Variants in RETREG1 observed in about 807,000 individuals in gnomAD.
RETREG1 encodes the protein reticulophagy regulator 1, also known as family with sequence similarity 134 member B.
In RETREG1, 44 loss-of-function variants were observed where a neutral mutation model predicts 54.8. The observed-to-expected ratio is 0.80, with a 90% CI of 0.63 to 1.03. RETREG1 has a LOEUF of 1.03. Among genes scored for constraint, RETREG1 ranks in the 50% least tolerant of loss-of-function variants. The pLI, the probability that RETREG1 is intolerant of heterozygous loss-of-function variation, is 0.00. For missense variants in RETREG1, 554 were observed against 605.1 expected (o/e 0.92, Z 0.89); for synonymous variants, 217 against 238.5 (o/e 0.91, Z 0.83).
At chr5:16,550,280 A>T (rs1741497497) in intron 3 of RETREG1, among the ~76,000 whole-genome samples, 1 of 152,008 alleles carries the variant, frequency 6.6e-6, no homozygotes, top group South Asian at 2.1e-4. Flanking sequence ...AAATTTAAAA[A>T]AAAAAAAGCG....
chr5:16,545,867 G>A (rs539390649), intron 3 of RETREG1, among the ~76,000 whole-genome samples: 158 of 152,344 alleles, frequency 1.0e-3, no homozygotes, highest in Non-Finnish European at 1.8e-3. Context: ...CAGAGCCACC[G>A]TTCCATGTGT....
At chr5:16,487,259 T>C (rs1739054578) in intron 3 of RETREG1, among the ~76,000 whole-genome samples, 1 of 152,224 alleles carries the variant, frequency 6.6e-6, no homozygotes, top group South Asian at 2.1e-4. Flanking sequence ...TATTTCCTCC[T>C]TAGTTTCAGA....
chr5:16,520,029 G>C (rs1740479995), intron 3 of RETREG1, among the ~76,000 whole-genome samples: 1 of 152,198 alleles, frequency 6.6e-6, no homozygotes, highest in South Asian at 2.1e-4. Context: ...CCTCCCAAAA[G>C]GGTATGTTGA....
intron 3 of RETREG1, among the ~76,000 whole-genome samples, chr5:16,516,130 G>A (rs992951904): frequency 6.7e-6 from 1 of 149,650 alleles, no homozygotes; most frequent in Non-Finnish European, 1.5e-5. Flanking sequence ...CACCCCAAAT[G>A]TCTGGTAAAT....
chr5:16,550,809 A>G (rs1287419608), intron 3 of RETREG1, among the ~76,000 whole-genome samples: 2 of 152,260 alleles, frequency 1.3e-5, no homozygotes, highest in Non-Finnish European at 2.9e-5. Context: ...TGTAGTGCTG[A>G]TAAGAGCTGT....
intron 1 of RETREG1, among the ~76,000 whole-genome samples, chr5:16,598,207 C>T (rs927850597): frequency 6.6e-6 from 1 of 152,230 alleles, no homozygotes; most frequent in African/African-American, 2.4e-5. Flanking sequence ...CCAACGCCTA[C>T]TGACTCTCTA....
At chr5:16,598,902 G>A (rs1742973220) in intron 1 of RETREG1, among the ~76,000 whole-genome samples, 2 of 152,196 alleles carry the variant, frequency 1.3e-5, no homozygotes, top group Non-Finnish European at 2.9e-5. Flanking sequence ...TACAGGCTGG[G>A]TACAGTGGCT....
intron 1 of RETREG1, among the ~76,000 whole-genome samples, chr5:16,611,758 G>A (rs2126377676): frequency 6.6e-6 from 1 of 152,286 alleles, no homozygotes; most frequent in Non-Finnish European, 1.5e-5. Flanking sequence ...GATACACACA[G>A]CAGAGATGAA....
intron 3 of RETREG1, among the ~76,000 whole-genome samples, chr5:16,554,265 C>T (rs901972644): frequency 6.6e-6 from 1 of 152,236 alleles, no homozygotes; most frequent in Admixed American, 6.5e-5. Flanking sequence ...AGGCTGGAAC[C>T]TCTCCGTTGA....
intron 3 of RETREG1, among the ~76,000 whole-genome samples, chr5:16,516,254 T>C (rs966000108): frequency 6.6e-6 from 1 of 152,162 alleles, no homozygotes; most frequent in Non-Finnish European, 1.5e-5. Context: ...CCCTTCGAGG[T>C]AGAGATAGCT....
At chr5:16,588,470 G>A (rs1742675193) in intron 1 of RETREG1, among the ~76,000 whole-genome samples, 2 of 152,090 alleles carry the variant, frequency 1.3e-5, no homozygotes, top group Admixed American at 6.5e-5. Flanking sequence ...TTTGAATTTG[G>A]GGGCAGCACG....
chr5:16,482,861 T>C (rs1425429366), intron 4 of RETREG1: 1 of 162,986 alleles, frequency 6.1e-6, no homozygotes, highest in East Asian at 1.8e-4. Context: ...TCATTTTGTT[T>C]ATATAATCAC....
intron 1 of RETREG1, among the ~76,000 whole-genome samples, chr5:16,577,354 C>T (rs761927409): frequency 1.3e-5 from 2 of 150,734 alleles, no homozygotes; most frequent in Non-Finnish European, 2.9e-5. Context: ...TCAAGAGACA[C>T]GCAGACTGTC....
In RETREG1 at chr5:16,616,805, T is replaced by C. The variant is rs1743528170; in HGVS notation, c.167A>G (p.Gln56Arg). 2 of 1,522,564 alleles carry C rather than the reference T, an allele frequency of 1.3e-6. No individual in the cohort carries two copies. Among genetic ancestry groups the C allele is most frequent in the Admixed American group, 2.0e-5 (1 of 50,030 alleles). 94.3% of individuals were successfully genotyped at this position (1,522,564 alleles called of 1,614,324 possible). The change falls in exon 1 of 9, where the codon CAG becomes CGG. Residue 56 changes from glutamine to arginine, a missense_variant. This residue lies in a region of RETREG1 where 175 missense variants were observed against 142.1 expected (regional missense o/e 1.23). Transcript: ENST00000306320. ...EAGAAEGAGL[Q>R]VEEAAGRAAA... ...CGCCCGGCCCGCGGCCTCCTCCACC[T>C]GCAACCCCGCGCCCTCCGCCGCCCC...
intron 3 of RETREG1, among the ~76,000 whole-genome samples, chr5:16,523,818 A>G (rs983767157): frequency 2.6e-5 from 4 of 151,996 alleles, no homozygotes; most frequent in Non-Finnish European, 5.9e-5. Context: ...ATTTATTTCC[A>G]TCAGTGAAGA....
At chr5:16,581,365 T>G (rs1383840713) in intron 1 of RETREG1, among the ~76,000 whole-genome samples, 1 of 152,202 alleles carries the variant, frequency 6.6e-6, no homozygotes, top group South Asian at 2.1e-4. Context: ...CACAGAGCAT[T>G]CATCCCCAAG....
At chr5:16,503,223 C>G (rs572701094) in intron 3 of RETREG1, among the ~76,000 whole-genome samples, 1 of 152,306 alleles carries the variant, frequency 6.6e-6, no homozygotes, top group East Asian at 1.9e-4. Context: ...AACAAACTCT[C>G]TTGCATCAAA....
chr5:16,482,206 A>G (rs1235693607), intron 4 of RETREG1, among the ~76,000 whole-genome samples: 2 of 152,060 alleles, frequency 1.3e-5, no homozygotes, highest in Non-Finnish European at 2.9e-5. Flanking sequence ...TGGAAAGGCC[A>G]TAAAAGTCAA....
In RETREG1 at chr5:16,593,854, C is replaced by A. The variant is rs1446725747; in HGVS notation, c.321-21752G>T. ...ATCACCAGAGGAGCTGCAGCAGATG[C>A]ACCTCCGTCAAATCTAAGCAGCCAT... On this transcript the variant is annotated intron_variant, in intron 1 of 8. Transcript: ENST00000306320. The surrounding 1 kb of genome is among the most constrained non-coding windows in gnomAD (Gnocchi z 4.9). Among the ~76,000 whole-genome samples, 1 of 152,200 alleles carries A rather than the reference C, an allele frequency of 6.6e-6. No homozygotes were observed. The highest frequency in any genetic ancestry group is 1.9e-4 in the East Asian group (1 of 5,196).
Sources: gnomAD v4.1 joint callset for allele counts (sites outside exome capture counted in the v4.1 genomes callset) on GRCh38, gnomAD v4.1.1 for gene constraint, gnomAD v4.1.1 regional missense constraint, Gnocchi (gnomAD v3.1) non-coding constraint, MANE v1.5 for transcripts, NCBI Gene and HGNC (gene_info 2026-07-23, HGNC 2026-07-21) for gene names.